The following ZNF726 variants were observed in gnomAD, a reference collection of about 807,000 sequenced individuals.
The protein encoded by ZNF726 is zinc finger protein 726.
In ZNF726, 15 loss-of-function variants were observed where a neutral mutation model predicts 11.6. The ratio of observed to expected loss-of-function variants is 1.29; its 90% CI spans 0.86 to 1.99. The LOEUF (loss-of-function observed/expected upper bound fraction) is 1.99. ZNF726 is among the 30% of genes most tolerant of loss of function. The probability of loss-of-function intolerance (pLI) is 0.00; values close to 1 mark genes in which losing one functional copy is unlikely to be tolerated. For synonymous variants in ZNF726, 295 were observed against 243.6 expected, an observed-to-expected ratio of 1.21 and a Z score of -1.96; for missense variants, 890 against 725.6, an observed-to-expected ratio of 1.23 and a Z score of -2.60.
chr19:23,921,794 GA>G (rs1167916512), intron 3 of ZNF726, among the ~76,000 whole-genome samples: 1 of 152,154 alleles, frequency 6.6e-6, no homozygotes, highest in Non-Finnish European at 1.5e-5. Flanking sequence ...TTATATGTAA[GA>G]TGACATAATC....
Position 23,932,759 on chromosome 19 carries a change from A to C in ZNF726, c.643A>C (p.Thr215Pro), listed in dbSNP as rs755204902. ...TGGAAAAACCTTTAATTGGTCCTCA[A>C]CCCTTACTAATCATAAGAAAACTCA... ...ECGKTFNWSS[T>P]LTNHKKTHTE... The change falls in exon 4 of 4, where the codon ACC becomes CCC. Residue 215 changes from threonine (T) to proline (P), a missense_variant. Transcript: ENST00000594466. 1.2e-6 allele frequency: 2 copies of C among 1,612,972 alleles called. No homozygotes were observed. Among genetic ancestry groups the C allele is most frequent in the Admixed American group, 3.3e-5 (2 of 59,800 alleles).
Position 23,933,975 on chromosome 19 carries a change from C to T in ZNF726, c.*8C>T. The T allele has an allele frequency of 6.3e-7, 1 of 1,574,900 alleles. No individual in the cohort carries two copies. Among genetic ancestry groups the T allele is most frequent in the Non-Finnish European group, 8.6e-7 (1 of 1,159,984 alleles). On this transcript the variant is annotated 3_prime_UTR_variant, in exon 4 of 4. Transcript: ENST00000594466. ...AAGAGGATTCATACTTGAGAGAAAC[C>T]TTAAAAAGGGTAAAGAATGTGGCAA... is the stretch of plus-strand genomic sequence containing the variant.
chr19:23,917,675 C>T (rs1967737274), intron 1 of ZNF726, among the ~76,000 whole-genome samples: 1 of 151,752 alleles, frequency 6.6e-6, no homozygotes, highest in Admixed American at 6.6e-5. Context: ...TGTTTACTAC[C>T]TGATTTTTAA....
In ZNF726 at chr19:23,943,024, G is replaced by A. The variant is rs1968362620; in HGVS notation, c.227-470G>A. On this transcript the variant is annotated intron_variant, in intron 3 of 4. Transcript: ENST00000334589. ...CTGCATACTTTGGTGTTTTTTTTTG[G>A]GGAGGGAAGGTGAGGGGAATGGAGT... Among the ~76,000 whole-genome samples, 3 of 151,848 alleles carry A rather than the reference G, an allele frequency of 2.0e-5. No homozygotes were observed. In the South Asian group the frequency reaches 6.2e-4, roughly 31 times the overall value.
chr19:23,929,092 GTTTAA>G (rs1056625593), intron 3 of ZNF726: 4 of 151,830 alleles, frequency 2.6e-5, no homozygotes, highest in African/African-American at 4.8e-5. Context: ...CTATTAAGTA[GTTTAA>G]TTTATATTTA....
At chr19:23,935,243 G>T, downstream of ZNF726, 1 of 465,494 alleles carries the variant, frequency 2.1e-6, no homozygotes. Context: ...CTTTTAACCT[G>T]TCTTCAACTT....
intron 1 of ZNF726, 135 bp downstream of exon 1, chr19:23,915,132 C>T: frequency 7.4e-7 from 1 of 1,357,220 alleles, no homozygotes. Flanking sequence ...CCAGCTCGGC[C>T]TCAGTCCCTT....
At chr19:23,935,626 A>G, downstream of ZNF726, 1 of 316,522 alleles carries the variant, frequency 3.2e-6, no homozygotes. Context: ...AATCCTAGAA[A>G]TGTGAAGAAT....
chr19:23,915,573 GTTGTT>G (rs1450281916), intron 1 of ZNF726, among the ~76,000 whole-genome samples: 1 of 151,724 alleles, frequency 6.6e-6, no homozygotes, highest in African/African-American at 2.4e-5. Context: ...TTTTGTTGTT[GTTGTT>G]TTGTTTTCAT....
chr19:23,927,537 G>C (rs1968014946), intron 3 of ZNF726, among the ~76,000 whole-genome samples: 1 of 152,124 alleles, frequency 6.6e-6, no homozygotes, highest in Non-Finnish European at 1.5e-5. Flanking sequence ...TGTCACCCAG[G>C]CTGGAGTGTA....
At chr19:23,916,194 A>C (rs1967694167) in intron 1 of ZNF726, among the ~76,000 whole-genome samples, 1 of 151,936 alleles carries the variant, frequency 6.6e-6, no homozygotes, top group African/African-American at 2.4e-5. Flanking sequence ...CTCCAGCCTG[A>C]CTGGCTTGCA....
downstream of ZNF726, among the ~76,000 whole-genome samples, chr19:23,938,991 T>C (rs1475481394): frequency 6.6e-6 from 1 of 152,040 alleles, no homozygotes; most frequent in Admixed American, 6.6e-5. Context: ...CATTGTTCCA[T>C]TTATTGGGGT....
Position 23,932,336 on chromosome 19 carries a change from T to G in ZNF726, c.227-7T>G, listed in dbSNP as rs11667315. On this transcript the variant is annotated splice_polypyrimidine_tract_variant and splice_region_variant and intron_variant, in intron 3 of 3. Transcript: ENST00000594466. Reference sequence around the variant, plus strand: ...AAGTGGAGTAAATTATTTTAATTTTTTTTTAGGTATATGTCCTCATTTTGC... The same window carrying G: ...AAGTGGAGTAAATTATTTTAATTTTGTTTTAGGTATATGTCCTCATTTTGC... 223,109 of 1,328,664 alleles carry G rather than the reference T, an allele frequency of 0.17. 19,380 individuals are homozygous for G. The highest frequency in any genetic ancestry group is 0.2 in the East Asian group (7,094 of 35,378). The allele number at this position is 1,328,664 out of a possible 1,614,324, so 82.3% of individuals were successfully genotyped here. A position where few individuals can be genotyped will look rare whatever the true frequency, so the allele number is the denominator to read the frequency against.
intron 3 of ZNF726, 28 bp from the exon 4 acceptor site, chr19:23,932,311 AAGTG>A (rs781391078): frequency 1.6e-6 from 2 of 1,286,982 alleles, no homozygotes; most frequent in Non-Finnish European, 1.0e-6. Context: ...TCAGTATAGT[AAGTG>A]GAGTAAATTA....
At chr19:23,922,517 A>T (rs1402244230) in intron 3 of ZNF726, among the ~76,000 whole-genome samples, 5 of 152,188 alleles carry the variant, frequency 3.3e-5, no homozygotes, top group Non-Finnish European at 7.3e-5. Flanking sequence ...TGTGGCTGTG[A>T]AGAGTTTGGG....
chr19:23,940,139 A>G (rs771894115), intron 3 of ZNF726, among the ~76,000 whole-genome samples: 39 of 152,100 alleles, frequency 2.6e-4, no homozygotes, highest in Non-Finnish European at 5.3e-4. Context: ...CAAAATTTTT[A>G]TAGTTTCAGG....
At chr19:23,942,769 A>C (rs961749464) in intron 3 of ZNF726, among the ~76,000 whole-genome samples, 1 of 152,174 alleles carries the variant, frequency 6.6e-6, no homozygotes, top group African/African-American at 2.4e-5. Context: ...GTCTGATATA[A>C]GAATAGCTAC....
chr19:23,942,988 C>A (rs1218350255), intron 3 of ZNF726, among the ~76,000 whole-genome samples: 2 of 152,098 alleles, frequency 1.3e-5, no homozygotes, highest in East Asian at 1.9e-4. Flanking sequence ...ATTCATCATG[C>A]TCTTTGTTGT....
At chr19:23,917,217 C>G (rs981706246) in intron 1 of ZNF726, among the ~76,000 whole-genome samples, 2 of 152,202 alleles carry the variant, frequency 1.3e-5, no homozygotes, top group African/African-American at 4.8e-5. Context: ...TCCCAAAGTG[C>G]TGTGATTACA....
Sources: gnomAD v4.1 joint callset for allele counts (sites outside exome capture counted in the v4.1 genomes callset) on GRCh38, gnomAD v4.1.1 for gene constraint, MANE v1.5 for transcripts, NCBI Gene and HGNC (gene_info 2026-07-23, HGNC 2026-07-21) for gene names.